Variants in RABGAP1L observed in about 807,000 individuals in gnomAD.
RABGAP1L encodes RAB GTPase activating protein 1 like.
In RABGAP1L, 63 loss-of-function variants were observed where a neutral mutation model predicts 137.7. The observed-to-expected ratio is 0.46, with a 90% CI of 0.37 to 0.56. RABGAP1L has a LOEUF of 0.56. Among genes scored for constraint, RABGAP1L ranks in the 20% least tolerant of loss-of-function variants. The probability of loss-of-function intolerance (pLI) is 0.00; values close to 1 mark genes in which losing one functional copy is unlikely to be tolerated. For missense variants in RABGAP1L, 1,095 were observed against 1,244.0 expected, an observed-to-expected ratio of 0.88 and a Z score of 1.80; for synonymous variants, 431 against 433.7, an observed-to-expected ratio of 0.99 and a Z score of 0.08.
At chr1:174,472,148 T>G (rs1658013536) in intron 13 of RABGAP1L, among the ~76,000 whole-genome samples, 1 of 152,200 alleles carries the variant, frequency 6.6e-6, no homozygotes, top group African/African-American at 2.4e-5. Context: ...TTCTGTTGTT[T>G]AAGACACCCA....
At chr1:174,803,843 C>A (rs1192021569) in intron 18 of RABGAP1L, among the ~76,000 whole-genome samples, 1 of 151,920 alleles carries the variant, frequency 6.6e-6, no homozygotes, top group Non-Finnish European at 1.5e-5. Context: ...GAGGCTGAGG[C>A]AGGCGGATCA....
Position 174,590,123 on chromosome 1 carries a change from C to CTTTTTT in RABGAP1L, c.1711-47229_1711-47224dup, listed in dbSNP as rs1166364912. 3.7e-3 allele frequency among the ~76,000 whole-genome samples: 223 copies of CTTTTTT among 59,812 alleles called. 2 individuals carry two copies. Among genetic ancestry groups the CTTTTTT allele is most frequent in the Non-Finnish European group, 5.3e-3 (169 of 31,738 alleles). The allele number at this position is 59,812 out of a possible 152,430, so 39.2% of individuals were successfully genotyped here. ...CCATTTTTTGTGACCTCTTCAGTTT[C>CTTTTTT]TTTTTTTTTTTTTTTTTTTTTTTTT... is the stretch of plus-strand genomic sequence containing the variant. On this transcript the variant is annotated intron_variant, in intron 13 of 25. Coordinates refer to ENST00000681986, the MANE Select transcript of RABGAP1L (RefSeq NM_001366446.1).
chr1:174,616,210 G>A (rs1203917691), intron 13 of RABGAP1L, among the ~76,000 whole-genome samples: 2 of 152,186 alleles, frequency 1.3e-5, no homozygotes, highest in Non-Finnish European at 2.9e-5. Context: ...TTCCTATTCG[G>A]CCATTTTGGG....
At chr1:174,810,583 A>G (rs1231441887) in intron 18 of RABGAP1L, among the ~76,000 whole-genome samples, 1 of 152,208 alleles carries the variant, frequency 6.6e-6, no homozygotes, top group African/African-American at 2.4e-5. Flanking sequence ...CACAGCATGT[A>G]GTTATGTGAT....
At chr1:174,878,288 A>G (rs1052780115) in intron 19 of RABGAP1L, among the ~76,000 whole-genome samples, 2 of 152,072 alleles carry the variant, frequency 1.3e-5, no homozygotes, top group Non-Finnish European at 2.9e-5. Context: ...GTGCAATGGC[A>G]TGTTCTTGGC....
chr1:174,674,512 A>C (rs994921805), intron 14 of RABGAP1L, among the ~76,000 whole-genome samples: 7 of 151,148 alleles, frequency 4.6e-5, no homozygotes, highest in African/African-American at 1.7e-4. Context: ...GTTGGTTCCA[A>C]GTCTTTGCTA....
chr1:174,318,404 A>G (rs1188520782), intron 11 of RABGAP1L, among the ~76,000 whole-genome samples: 1 of 152,010 alleles, frequency 6.6e-6, no homozygotes, highest in African/African-American at 2.4e-5. Context: ...TTTTCTCCTT[A>G]CTGGTAAAGT....
chr1:174,219,401 A>G, intron 2 of RABGAP1L, 106 bp downstream of exon 2: 1 of 757,008 alleles, frequency 1.3e-6, no homozygotes. Flanking sequence ...GACTTTCAAA[A>G]TAAAATCAAT....
chr1:174,225,808 T>C (rs375033021), intron 3 of RABGAP1L, among the ~76,000 whole-genome samples: 19 of 152,278 alleles, frequency 1.2e-4, no homozygotes, highest in African/African-American at 4.6e-4. Flanking sequence ...TGCAGAATCA[T>C]ATGTCTGGAG....
intron 18 of RABGAP1L, among the ~76,000 whole-genome samples, chr1:174,811,365 G>T (rs1184083664): frequency 6.6e-6 from 1 of 152,156 alleles, no homozygotes; most frequent in Non-Finnish European, 1.5e-5. Flanking sequence ...TAGTTGAAAA[G>T]CCATCTTCCC....
At chr1:174,826,697 A>C (rs1481115690) in intron 19 of RABGAP1L, among the ~76,000 whole-genome samples, 1 of 152,234 alleles carries the variant, frequency 6.6e-6, no homozygotes, top group South Asian at 2.1e-4. Flanking sequence ...TAGTAATTCA[A>C]CATTTCTTTG....
intron 19 of RABGAP1L, among the ~76,000 whole-genome samples, chr1:174,877,911 A>G (rs1417463099): frequency 6.6e-6 from 1 of 152,206 alleles, no homozygotes; most frequent in Non-Finnish European, 1.5e-5. Flanking sequence ...TACATAGCAT[A>G]CAATTGAGGC....
chr1:174,423,719 C>T (rs1651624329), intron 13 of RABGAP1L, among the ~76,000 whole-genome samples: 1 of 152,042 alleles, frequency 6.6e-6, no homozygotes, highest in South Asian at 2.1e-4. Context: ...CGCTTTCTCC[C>T]TCCCTTTTTT....
intron 11 of RABGAP1L, among the ~76,000 whole-genome samples, chr1:174,307,117 A>G (rs1213496053): frequency 1.3e-5 from 2 of 152,176 alleles, no homozygotes; most frequent in African/African-American, 4.8e-5. Context: ...GGTTTTAAGG[A>G]TGAGAAACTG....
intron 11 of RABGAP1L, among the ~76,000 whole-genome samples, chr1:174,316,862 A>G (rs1679422337): frequency 6.6e-6 from 1 of 152,130 alleles, no homozygotes; most frequent in South Asian, 2.1e-4. Flanking sequence ...ACCACAAGAC[A>G]CAGTTCTTCC....
intron 13 of RABGAP1L, among the ~76,000 whole-genome samples, chr1:174,422,218 GC>G (rs1206288191): frequency 1.3e-5 from 2 of 151,988 alleles, no homozygotes; most frequent in East Asian, 1.9e-4. Flanking sequence ...TTGAACAAGG[GC>G]CCTGTATTTT....
chr1:174,161,225 T>C (rs1425376823), intron 1 of RABGAP1L, among the ~76,000 whole-genome samples: 2 of 126,746 alleles, frequency 1.6e-5, no homozygotes, highest in African/African-American at 8.4e-5. Flanking sequence ...ATGTGTATTA[T>C]TATTATTATT....
At chr1:174,509,184 C>G (rs1033159250) in intron 13 of RABGAP1L, among the ~76,000 whole-genome samples, 5 of 152,242 alleles carry the variant, frequency 3.3e-5, no homozygotes, top group African/African-American at 1.2e-4. Flanking sequence ...CATTTAAGTT[C>G]AATGCCGTAC....
chr1:174,455,459 A>G (rs1466125989), intron 13 of RABGAP1L, among the ~76,000 whole-genome samples: 2 of 152,044 alleles, frequency 1.3e-5, no homozygotes, highest in African/African-American at 4.8e-5. Flanking sequence ...GAGTTGTATG[A>G]CCTGTTCTTT....
Sources: gnomAD v4.1 joint callset for allele counts (sites outside exome capture counted in the v4.1 genomes callset) on GRCh38, gnomAD v4.1.1 for gene constraint, MANE v1.5 for transcripts, NCBI Gene and HGNC (gene_info 2026-07-23, HGNC 2026-07-21) for gene names.